RP2: variants seen among roughly 807,000 people sequenced by gnomAD.
RP2 encodes protein XRP2.
Under a neutral mutation model 20.3 loss-of-function variants are expected in RP2, and 3 were observed. The ratio of observed to expected loss-of-function variants is 0.15; its 90% CI spans 0.07 to 0.38. The LOEUF is 0.38. Ranked by LOEUF, RP2 falls within the 10% of genes least tolerant of loss-of-function variation. The pLI, the probability that RP2 is intolerant of heterozygous loss-of-function variation, is 1.00. For synonymous variants in RP2, 75 were observed against 94.8 expected, an observed-to-expected ratio of 0.79 and a Z score of 1.22; for missense variants, 233 against 268.5, an observed-to-expected ratio of 0.87 and a Z score of 0.92.
intron 1 of RP2, among the ~76,000 whole-genome samples, chrX:46,847,866 GTATA>G (rs1167812505): frequency 5.2e-5 from 5 of 96,251 alleles, no homozygotes; most frequent in East Asian, 6.5e-4. Context: ...ATATGTGTGT[GTATA>G]TATATACACG....
At chrX:46,850,719 G>A (rs1307061482) in intron 1 of RP2, among the ~76,000 whole-genome samples, 2 of 111,365 alleles carry the variant, frequency 1.8e-5, no homozygotes, top group Admixed American at 9.6e-5. Flanking sequence ...CAGAACTTCC[G>A]CCCCACTTCT....
intron 3 of RP2, among the ~76,000 whole-genome samples, chrX:46,876,016 A>T (rs17332144): frequency 0.23 from 25,671 of 111,056 alleles, 2,704 homozygotes; most frequent in African/African-American, 0.38. Flanking sequence ...GTAAGGTTAG[A>T]TGTTTTATTA....
chrX:46,875,029 T>A (rs1925351214), intron 3 of RP2, among the ~76,000 whole-genome samples: 1 of 111,643 alleles, frequency 9.0e-6, no homozygotes, highest in Non-Finnish European at 1.9e-5. Context: ...GTTATTTTTT[T>A]ACTTTTATTT....
intron 3 of RP2, among the ~76,000 whole-genome samples, chrX:46,866,846 C>T (rs1925181113): frequency 9.0e-6 from 1 of 111,190 alleles, no homozygotes; most frequent in African/African-American, 3.3e-5. Context: ...GCATAAAGTC[C>T]ACCACCCCAC....
At chrX:46,847,935 TATATA>T (rs1413683069) in intron 1 of RP2, among the ~76,000 whole-genome samples, 1 of 85,932 alleles carries the variant, frequency 1.2e-5, no homozygotes, top group African/African-American at 5.2e-5. Flanking sequence ...TATACATATA[TATATA>T]TATATATATA....
intron 1 of RP2, among the ~76,000 whole-genome samples, chrX:46,841,436 C>T (rs923779226): frequency 8.9e-6 from 1 of 112,269 alleles, no homozygotes; most frequent in Non-Finnish European, 1.9e-5. Context: ...AGGGTTGACT[C>T]TGCTCAATGT....
In RP2 at chrX:46,872,694, T is replaced by C. The variant is rs183193482; in HGVS notation, c.884-4811T>C. Among the ~76,000 whole-genome samples, 34 of 112,040 alleles carry C rather than the reference T, an allele frequency of 3.0e-4. No individual in the cohort carries two copies. The East Asian group carries it at 7.2e-3, about 24-fold the overall frequency. On this transcript the variant is annotated intron_variant, in intron 3 of 4. Coordinates refer to ENST00000218340, the MANE Select transcript of RP2 (RefSeq NM_006915.3). ...CTATAAACACCTAATACGTTGTTAA[T>C]GTTATTGCTTTGAACTGTCTGGTGT...
At chrX:46,847,759 TAC>T (rs782006171) in intron 1 of RP2, among the ~76,000 whole-genome samples, 6 of 82,133 alleles carry the variant, frequency 7.3e-5, no homozygotes, top group African/African-American at 2.3e-4. Flanking sequence ...TGTGTGTATA[TAC>T]ACACATGTGT....
chrX:46,847,838 G>A (rs782523779), intron 1 of RP2, among the ~76,000 whole-genome samples: 2 of 95,139 alleles, frequency 2.1e-5, no homozygotes, highest in South Asian at 9.1e-4. Context: ...GTGTATATAT[G>A]TGTGTATATA....
intron 1 of RP2, among the ~76,000 whole-genome samples, chrX:46,846,402 A>G (rs1342701386): frequency 3.6e-5 from 4 of 110,143 alleles, no homozygotes; most frequent in African/African-American, 1.3e-4. Flanking sequence ...CGCTTGGGCA[A>G]CATAGTGAGA....
intron 3 of RP2, among the ~76,000 whole-genome samples, chrX:46,861,561 G>A (rs1375712279): frequency 8.9e-6 from 1 of 111,765 alleles, no homozygotes; most frequent in Non-Finnish European, 1.9e-5. Context: ...AAGGAATACT[G>A]GGACTGGATG....
chrX:46,859,393 G>GC (rs1925024862), intron 2 of RP2, among the ~76,000 whole-genome samples: 1 of 108,637 alleles, frequency 9.2e-6, no homozygotes, highest in Admixed American at 9.9e-5. Context: ...GGAGGCTGAG[G>GC]TGGGAGAATC....
intron 3 of RP2, among the ~76,000 whole-genome samples, chrX:46,861,751 G>A (rs544511533): frequency 9.0e-6 from 1 of 111,407 alleles, no homozygotes; most frequent in South Asian, 3.8e-4. Context: ...TGAGGTGGGA[G>A]GGTTGCTTGA....
Position 46,853,504 on chromosome X carries a change from G to A in RP2, c.131G>A (p.Gly44Glu), listed in dbSNP as rs1556318533. 2.5e-6 allele frequency: 3 copies of A among 1,208,582 alleles called. No individual in the cohort carries two copies. The highest frequency in any genetic ancestry group is 3.5e-5 in the African/African-American group (2 of 57,090). Residue 44 changes from glycine to glutamate, a missense_variant, in exon 2 of 5, where the codon GGA becomes GAA. By Grantham distance (98) the Gly-to-Glu change is moderately conservative. Transcript: ENST00000218340. The stretch of plus-strand genomic sequence containing the variant: ...GATCCAAAAGACTACATGTTCAGTG[G>A]ACTGAAGGATGAAACAGTAGGTCGC... ...KVDPKDYMFS[G>E]LKDETVGRLP...
At chrX:46,840,123 G>A (rs1042663540) in intron 1 of RP2, among the ~76,000 whole-genome samples, 2 of 111,813 alleles carry the variant, frequency 1.8e-5, no homozygotes, top group South Asian at 3.7e-4. Flanking sequence ...AATTACAGGC[G>A]TGCACCACCA....
chrX:46,879,688 G>A lies in RP2; in HGVS notation c.972G>A (p.Met324Ile), dbSNP rs2147090226. The change falls in exon 5 of 5, where the codon ATG becomes ATA. Residue 324 changes from methionine to isoleucine, a missense_variant and splice_region_variant. By Grantham distance (10) the Met-to-Ile change is conservative. Coordinates refer to ENST00000218340, the MANE Select transcript of RP2 (RefSeq NM_006915.3). Reference protein sequence around the residue: ...IVNEIFNGTKMFVSESKETAS... With the variant: ...IVNEIFNGTKIFVSESKETAS... ...TTTTAATTTTCTATTTAAAATAGAT[G>A]TTTGTATCTGAAAGCAAGGAGACGG... The A allele has an allele frequency of 8.5e-7, 1 of 1,175,387 alleles. No homozygotes were observed. The highest frequency in any genetic ancestry group is 1.2e-6 in the Non-Finnish European group (1 of 864,853).
At position 46,859,978 on chromosome X, in the gene RP2, AT is replaced by A; in HGVS notation, c.769-6del. On this transcript the variant is annotated splice_polypyrimidine_tract_variant and intron_variant, in intron 2 of 4. Coordinates refer to ENST00000218340, the MANE Select transcript of RP2 (RefSeq NM_006915.3). ...CATTTTAAAATCTCAATGAAATTTT[AT>A]TTTCACAGATGGTTGGTAAAGGCTT... The A allele has an allele frequency of 1.7e-6, 2 of 1,144,652 alleles. No homozygotes were observed. The highest frequency in any genetic ancestry group is 1.2e-6 in the Non-Finnish European group (1 of 835,133). 94.3% of individuals were successfully genotyped at this position (1,144,652 alleles called of 1,213,427 possible).
At chrX:46,857,383 A>C (rs1054307192) in intron 2 of RP2, among the ~76,000 whole-genome samples, 3 of 111,042 alleles carry the variant, frequency 2.7e-5, no homozygotes, top group Non-Finnish European at 5.7e-5. Flanking sequence ...AAGATGGTGA[A>C]ACCCCGTCTG....
In RP2 at chrX:46,879,663, TTTTAATTTTCTA is replaced by T; in HGVS notation, c.970-17_970-6del. On this transcript the variant is annotated splice_polypyrimidine_tract_variant and intron_variant, in intron 4 of 4. Coordinates refer to ENST00000218340, the MANE Select transcript of RP2 (RefSeq NM_006915.3). Reference sequence around the variant, plus strand: ...TGAAGTACTTGGTACTGATTTTTTTTTTTAATTTTCTATTTAAAATAGATGTTTGTATCTGAA... The same window carrying T: ...TGAAGTACTTGGTACTGATTTTTTTTTTTAAAATAGATGTTTGTATCTGAA... 3 of 1,097,943 alleles carry T rather than the reference TTTTAATTTTCTA, an allele frequency of 2.7e-6. No homozygotes were observed. Among genetic ancestry groups the T allele is most frequent in the Middle Eastern group, 2.5e-4 (1 of 4,057 alleles). 90.5% of individuals were successfully genotyped at this position (1,097,943 alleles called of 1,213,427 possible). A position where few individuals can be genotyped will look rare whatever the true frequency, so the allele number is the denominator to read the frequency against.
Sources: gnomAD v4.1 joint callset for allele counts (sites outside exome capture counted in the v4.1 genomes callset) on GRCh38, gnomAD v4.1.1 for gene constraint, MANE v1.5 for transcripts, NCBI Gene and HGNC (gene_info 2026-07-23, HGNC 2026-07-21) for gene names.